SF3A2: variants seen among roughly 807,000 people sequenced by gnomAD.
SF3A2 encodes splicing factor 3a subunit 2, also known as SAP 62.
In SF3A2, 5 loss-of-function variants were observed where a neutral mutation model predicts 31.1. The ratio of observed to expected loss-of-function variants is 0.16; its 90% CI spans 0.08 to 0.34. SF3A2 has a LOEUF of 0.34. Ranked by LOEUF, SF3A2 falls within the 10% of genes least tolerant of loss-of-function variation. The pLI is 1.00. For synonymous variants in SF3A2, 365 were observed against 263.7 expected (o/e 1.38, Z -3.72); for missense variants, 577 against 643.9 (o/e 0.90, Z 1.13).
At position 2,246,805 on chromosome 19, in the gene SF3A2, G is replaced by A. The variant is rs915576768; in HGVS notation, c.405+3G>A. On this transcript the variant is annotated splice_donor_region_variant and intron_variant, in intron 6 of 8. Coordinates refer to ENST00000221494, the MANE Select transcript of SF3A2 (RefSeq NM_007165.5). This position sits in a 1 kb window ranked among gnomAD's most constrained non-coding sequence, Gnocchi z 5.5. The stretch of plus-strand genomic sequence containing the variant: ...GCCAGCAGAGCCTCCTCTTCCAGGT[G>A]AGATCAGGGACTTGGGCGTGGGGGG... 3 of 1,613,832 alleles carry A rather than the reference G, an allele frequency of 1.9e-6. No homozygotes were observed. The African/African-American group carries it at 4.0e-5, about 22-fold the overall frequency.
chr19:2,247,756 C>T lies in SF3A2; in HGVS notation c.616-11C>T, dbSNP rs367879276. 4.6e-5 allele frequency: 74 copies of T among 1,611,960 alleles called. 1 individual carries two copies. The African/African-American group carries it at 5.5e-4, about 12-fold the overall frequency. On this transcript the variant is annotated splice_polypyrimidine_tract_variant and intron_variant, in intron 8 of 8. Transcript: ENST00000221494. ...CACCCGTGCCTGCTGAACCTTTCTCCGTCTCTCTAGTTCTTCCTCCAGTTC... is the reference window on the plus strand; with the variant it reads ...CACCCGTGCCTGCTGAACCTTTCTCTGTCTCTCTAGTTCTTCCTCCAGTTC...
At chr19:2,241,936 C>T (rs1182363719) in intron 1 of SF3A2, among the ~76,000 whole-genome samples, 1 of 152,184 alleles carries the variant, frequency 6.6e-6, no homozygotes, top group Non-Finnish European at 1.5e-5. Context: ...GGGAGGTCCA[C>T]CTCACCAGTT....
intron 1 of SF3A2, among the ~76,000 whole-genome samples, chr19:2,239,144 G>C (rs1287848167): frequency 6.6e-6 from 1 of 152,142 alleles, no homozygotes; most frequent in African/African-American, 2.4e-5. Context: ...GCGGGCGGAT[G>C]ACCTGAGTTT....
In SF3A2 at chr19:2,245,167, G is replaced by A. The variant is rs1364620979; in HGVS notation, c.246-279G>A. The A allele has an allele frequency of 4.1e-6, 2 of 491,356 alleles. No homozygotes were observed. The highest frequency in any genetic ancestry group is 2.0e-5 in the African/African-American group (1 of 50,962). 30.4% of individuals were successfully genotyped at this position (491,356 alleles called of 1,614,324 possible). ...CCACTGTACTCCATCCTGGGCGACA[G>A]AGTGAGACTCTTGTCTTATTAAAAA... On this transcript the variant is annotated intron_variant, in intron 4 of 8. Transcript: ENST00000221494. The surrounding 1 kb of genome is among the most constrained non-coding windows in gnomAD (Gnocchi z 4.2).
Position 2,247,888 on chromosome 19 carries a change from C to A in SF3A2, c.737C>A (p.Pro246Gln). 1 of 1,578,166 alleles carries A rather than the reference C, an allele frequency of 6.3e-7. No individual in the cohort carries two copies. Among genetic ancestry groups the A allele is most frequent in the Non-Finnish European group, 8.6e-7 (1 of 1,159,636 alleles). Residue 246 changes from proline (P) to glutamine (Q), a missense_variant, in exon 9 of 9, where the codon CCG (proline) becomes CAG (glutamine). Transcript: ENST00000221494. ...PLMNGLPPRP[P>Q]LPESLPPPPP... ...ATGAACGGTCTGCCCCCTCGGCCACCGCTGCCTGAGTCTTTGCCACCGCCC... is the reference window on the plus strand; with the variant it reads ...ATGAACGGTCTGCCCCCTCGGCCACAGCTGCCTGAGTCTTTGCCACCGCCC...
Position 2,248,489 on chromosome 19 carries a change from GC to G in SF3A2, c.1343del (p.Pro448HisfsTer37). ...CAACTCCCATGCCCCCAATGCTGAG[GC>G]CCCCACTTCCCTCCGAAGGCCCAGG... ...PPTPMPPMLR[P>X]PLPSEGPGNI... On this transcript the variant is annotated frameshift_variant, in exon 9 of 9. Coordinates refer to ENST00000221494, the MANE Select transcript of SF3A2 (RefSeq NM_007165.5). LOFTEE classifies it high-confidence loss of function. 2 of 1,144,580 alleles carry G rather than the reference GC, an allele frequency of 1.7e-6. No homozygotes were observed. The highest frequency in any genetic ancestry group is 2.2e-6 in the Non-Finnish European group (2 of 891,560). 70.9% of individuals were successfully genotyped at this position (1,144,580 alleles called of 1,614,324 possible).
At chr19:2,241,724 G>A (rs1255896401) in intron 1 of SF3A2, among the ~76,000 whole-genome samples, 1 of 152,206 alleles carries the variant, frequency 6.6e-6, no homozygotes, top group Non-Finnish European at 1.5e-5. Flanking sequence ...CCAGAGGGTG[G>A]CGTTCCCAGC....
chr19:2,242,880 G>A (rs1318253303), intron 1 of SF3A2, among the ~76,000 whole-genome samples: 2 of 152,164 alleles, frequency 1.3e-5, no homozygotes, highest in African/African-American at 4.8e-5. Context: ...TGTCCTCACT[G>A]ATCTCCGCCT....
chr19:2,243,312 G>T, intron 1 of SF3A2, 70 bp from the exon 2 acceptor site: 2 of 1,316,614 alleles, frequency 1.5e-6, no homozygotes, highest in Non-Finnish European at 1.0e-6. Context: ...AGCCCAGCCC[G>T]CCCAGGGAGG....
intron 1 of SF3A2, among the ~76,000 whole-genome samples, chr19:2,238,115 C>T (rs1455877327): frequency 6.6e-6 from 1 of 152,170 alleles, no homozygotes; most frequent in East Asian, 1.9e-4. Flanking sequence ...CCTCAAACTC[C>T]CATGCTCAAG....
intron 1 of SF3A2, among the ~76,000 whole-genome samples, chr19:2,240,635 G>A (rs1162841117): frequency 6.6e-6 from 1 of 152,244 alleles, no homozygotes. Flanking sequence ...GCCACTGGCC[G>A]CTGGGGCGTT....
intron 1 of SF3A2, among the ~76,000 whole-genome samples, chr19:2,242,710 T>C (rs2024901809): frequency 6.6e-6 from 1 of 152,128 alleles, no homozygotes. Flanking sequence ...GAGAGGAGGC[T>C]GCCTGGAACT....
chr19:2,244,472 C>A, intron 2 of SF3A2, 72 bp from the exon 3 acceptor site: 1 of 1,220,546 alleles, frequency 8.2e-7, no homozygotes, highest in South Asian at 1.3e-5. Context: ...GAAAGGGGAT[C>A]CCGCCTCTGA....
At chr19:2,247,506 T>G in intron 7 of SF3A2, 88 bp from the exon 8 acceptor site, 1 of 1,356,650 alleles carries the variant, frequency 7.4e-7, no homozygotes. Flanking sequence ...GAGTCCGGGC[T>G]GGGGAGGCTA....
chr19:2,237,137 G>A (rs1000979992), intron 1 of SF3A2, among the ~76,000 whole-genome samples: 3 of 152,048 alleles, frequency 2.0e-5, no homozygotes, highest in Non-Finnish European at 4.4e-5. Flanking sequence ...CTGTTGGGAG[G>A]CCGCGCGCGG....
Position 2,244,529 on chromosome 19 carries a change from G to A in SF3A2, c.127-15G>A, listed in dbSNP as rs1477884794. On this transcript the variant is annotated splice_polypyrimidine_tract_variant and intron_variant, in intron 2 of 8. Coordinates refer to ENST00000221494, the MANE Select transcript of SF3A2 (RefSeq NM_007165.5). ...GCGATCTTCTGTCTAACGGGCCCCT[G>A]TTCTTCCCCTCCAGGACCCGTACTT... 4 of 1,611,092 alleles carry A rather than the reference G, an allele frequency of 2.5e-6. No homozygotes were observed. The highest frequency in any genetic ancestry group is 3.4e-6 in the Non-Finnish European group (4 of 1,178,036).
chr19:2,243,435 G>C lies in SF3A2; in HGVS notation c.17G>C (p.Arg6Pro). The C allele has an allele frequency of 6.5e-7, 1 of 1,544,768 alleles. No individual in the cohort carries two copies. MDFQHRPGGKTGSGGV... is the reference protein window; with the variant it reads MDFQHPPGGKTGSGGV... ...GCCATCACCATGGACTTCCAGCATC[G>C]CCCCGGGGGCAAGACCGGGAGCGGG... Residue 6 changes from arginine to proline, a missense_variant, in exon 2 of 9, where the codon CGC (arginine) becomes CCC (proline). Transcript: ENST00000221494.
intron 1 of SF3A2, among the ~76,000 whole-genome samples, chr19:2,240,090 G>T (rs768027715): frequency 6.6e-6 from 1 of 152,164 alleles, no homozygotes; most frequent in African/African-American, 2.4e-5. Context: ...GGCAAGGAGC[G>T]GGCCTTTTCT....
chr19:2,248,520 A>C lies in SF3A2; in HGVS notation c.1369A>C (p.Ile457Leu). 8.9e-7 allele frequency: 1 copy of C among 1,120,406 alleles called. No individual in the cohort carries two copies. Among genetic ancestry groups the C allele is most frequent in the Non-Finnish European group, 1.2e-6 (1 of 867,230 alleles). 69.4% of individuals were successfully genotyped at this position (1,120,406 alleles called of 1,614,324 possible). ...PPLPSEGPGN[I>L]PPPPPTN ...ACTTCCCTCCGAAGGCCCAGGGAACATACCTCCCCCTCCCCCAACCAACTG... is the reference window on the plus strand; with the variant it reads ...ACTTCCCTCCGAAGGCCCAGGGAACCTACCTCCCCCTCCCCCAACCAACTG... Residue 457 changes from isoleucine (I) to leucine (L), a missense_variant, in exon 9 of 9, where the codon ATA becomes CTA. Transcript: ENST00000221494.
Sources: allele counts gnomAD v4.1 joint callset (sites outside exome capture counted in the v4.1 genomes callset), GRCh38; gene constraint gnomAD v4.1.1; non-coding constraint Gnocchi (gnomAD v3.1); transcripts MANE v1.5; gene names NCBI Gene and HGNC (gene_info 2026-07-23, HGNC 2026-07-21).